BRD1: variants seen among roughly 807,000 people sequenced by gnomAD.
BRD1 encodes the protein bromodomain containing 1.
In BRD1, 24 loss-of-function variants were observed where a neutral mutation model predicts 107.7. That is an observed-to-expected ratio of 0.22 (90% CI 0.16 to 0.31). BRD1 has a LOEUF of 0.31. BRD1 is among the 10% of genes least tolerant of loss of function. BRD1 has a pLI of 1.00. For missense variants in BRD1, 1,279 were observed against 1,638.6 expected (o/e 0.78, Z 3.79); for synonymous variants, 744 against 686.1 (o/e 1.08, Z -1.32).
Position 49,774,111 on chromosome 22 carries a change from C to T in BRD1, c.*122G>A, listed in dbSNP as rs1481178113. 2 of 1,327,902 alleles carry T rather than the reference C, an allele frequency of 1.5e-6. No homozygotes were observed. Among genetic ancestry groups the T allele is most frequent in the African/African-American group, 1.5e-5 (1 of 66,844 alleles). 82.3% of individuals were successfully genotyped at this position (1,327,902 alleles called of 1,614,324 possible). A position where few individuals can be genotyped will look rare whatever the true frequency, so the allele number is the denominator to read the frequency against. On this transcript the variant is annotated 3_prime_UTR_variant, in exon 13 of 13. Coordinates refer to ENST00000404760, the MANE Select transcript of BRD1 (RefSeq NM_001304808.3). The stretch of plus-strand genomic sequence containing the variant: ...AACTTGGAAATAAAACCTCCCCCCT[C>T]CCCGGGGAAAAAGAATTAAAGAGCT...
At chr22:49,777,228 C>T (rs1251179921) in intron 9 of BRD1, 67 bp from the exon 10 acceptor site, 12 of 1,590,998 alleles carry the variant, frequency 7.5e-6, no homozygotes, top group Non-Finnish European at 1.0e-5. Flanking sequence ...CGGGCTTCGT[C>T]CCGTGAGCTG....
chr22:49,795,076 G>C (rs962660961), intron 6 of BRD1, among the ~76,000 whole-genome samples: 1 of 152,030 alleles, frequency 6.6e-6, no homozygotes, highest in Admixed American at 6.6e-5. Flanking sequence ...TTTACTGAAA[G>C]CATCTGTCTC....
Position 49,777,764 on chromosome 22 carries a change from G to A in BRD1, c.2907C>T (p.Gly969=), listed in dbSNP as rs1255748812. 2.1e-5 allele frequency: 34 copies of A among 1,604,892 alleles called. No homozygotes were observed. Among genetic ancestry groups the A allele is most frequent in the Non-Finnish European group, 2.6e-5 (31 of 1,177,606 alleles). The change falls in exon 9 of 13, where the codon GGC becomes GGT. Residue 969 remains glycine (G), a synonymous_variant. Coordinates refer to ENST00000404760, the MANE Select transcript of BRD1 (RefSeq NM_001304808.3). The part of the protein sequence containing the change: ...GGARSEQEPG[G]GLGRKATPRR... ...GGGGTGTGGCCTTCCTCCCCAGGCC[G>A]CCGCCCGGCTCCTGCTCGCTCCTCG...
At position 49,798,691 on chromosome 22, in the gene BRD1, G is replaced by A. The variant is rs1221748807; in HGVS notation, c.1657-5C>T. The A allele has an allele frequency of 1.3e-6, 2 of 1,596,032 alleles. No homozygotes were observed. The highest frequency in any genetic ancestry group is 1.3e-5 in the African/African-American group (1 of 74,582). On this transcript the variant is annotated splice_polypyrimidine_tract_variant and splice_region_variant and intron_variant, in intron 4 of 12. Coordinates refer to ENST00000404760, the MANE Select transcript of BRD1 (RefSeq NM_001304808.3). ...GGCGACCTGCTCCACCTTCACCTGG[G>A]GGGGCCCAGCAGAGCCTCAGCTTTA...
chr22:49,794,284 C>T lies in BRD1; in HGVS notation c.2109G>A (p.Leu703=), dbSNP rs371713541. The T allele has an allele frequency of 3.6e-5, 58 of 1,609,870 alleles. No individual in the cohort carries two copies. The highest frequency in any genetic ancestry group is 4.9e-5 in the Non-Finnish European group (58 of 1,177,504). The change falls in exon 7 of 13, where the codon TTG becomes TTA. Residue 703 remains leucine, a synonymous_variant. Transcript: ENST00000404760. ...GGTGGGCTCTGTTGGCGGGGTCCAG[C>T]AACCTGTCCACTGAACCAAAGGACA... is the stretch of plus-strand genomic sequence containing the variant. ...RPFSWEDVDR[L]LDPANRAHLG... is the part of the protein sequence containing the mutation.
intron 6 of BRD1, among the ~76,000 whole-genome samples, chr22:49,795,333 C>T (rs1463477719): frequency 6.6e-6 from 1 of 152,238 alleles, no homozygotes; most frequent in Non-Finnish European, 1.5e-5. Flanking sequence ...AGAAGAGCAG[C>T]AGGTGCACCC....
At chr22:49,782,039 G>T (rs1321937378) in intron 8 of BRD1, among the ~76,000 whole-genome samples, 1 of 146,392 alleles carries the variant, frequency 6.8e-6, no homozygotes, top group Non-Finnish European at 1.5e-5. Context: ...AGCCGGGGAC[G>T]GTCAGAGACA....
In BRD1 at chr22:49,792,914, C is replaced by T. The variant is rs1053307317; in HGVS notation, c.2359+1120G>A. Among the ~76,000 whole-genome samples, 2 of 152,138 alleles carry T rather than the reference C, an allele frequency of 1.3e-5. No homozygotes were observed. The highest frequency in any genetic ancestry group is 1.5e-5 in the Non-Finnish European group (1 of 68,024). On this transcript the variant is annotated intron_variant, in intron 7 of 12. Transcript: ENST00000404760. The surrounding 1 kb of genome is among the most constrained non-coding windows in gnomAD (Gnocchi z 4.2). ...AAAGGGCCCTGAGACCATGGGGACC[C>T]GCTGACCTGTGTGGCATCATGAAGA...
rs774493554 is a variant in BRD1, at chr22:49,787,443, G to A, written c.2804C>T (p.Thr935Ile). 6 of 1,614,162 alleles carry A rather than the reference G, an allele frequency of 3.7e-6. No homozygotes were observed. The highest frequency in any genetic ancestry group is 1.3e-5 in the African/African-American group (1 of 75,062). Reference sequence around the variant, plus strand: ...CTCCTCCACCTCGGAGTCTCCGCATGTGCTCCGCGACCTTTTCCTTGGCTG... The same window carrying A: ...CTCCTCCACCTCGGAGTCTCCGCATATGCTCCGCGACCTTTTCCTTGGCTG... ...LLQPRKRSRSTCGDSEVEEES... is the reference protein window; with the variant it reads ...LLQPRKRSRSICGDSEVEEES... The change falls in exon 8 of 13, where the codon ACA becomes ATA. Residue 935 changes from threonine to isoleucine, a missense_variant. Physicochemically the swap from Thr to Ile is moderately conservative, Grantham distance 89. This residue lies in a region of BRD1 where 263 missense variants were observed against 251.6 expected (regional missense o/e 1.05). Transcript: ENST00000404760.
rs370621351 is a variant in BRD1, at chr22:49,777,059, G to A, written c.3096C>T (p.Tyr1032=). 5.3e-5 allele frequency: 85 copies of A among 1,613,130 alleles called. No homozygotes were observed. The highest frequency in any genetic ancestry group is 4.9e-4 in the Middle Eastern group (3 of 6,084). ...ELISCIENGN[Y]AKAARIAAEV... ...CGGCTGCGATCCTGGCCGCCTTGGCGTAGTTCCCATTCTCGATGCAGGAGA... is the reference window on the plus strand; with the variant it reads ...CGGCTGCGATCCTGGCCGCCTTGGCATAGTTCCCATTCTCGATGCAGGAGA... The change falls in exon 10 of 13, where the codon TAC becomes TAT. Residue 1032 remains tyrosine, a synonymous_variant. Coordinates refer to ENST00000404760, the MANE Select transcript of BRD1 (RefSeq NM_001304808.3).
intron 2 of BRD1, among the ~76,000 whole-genome samples, chr22:49,808,725 G>C (rs890547937): frequency 1.3e-5 from 2 of 152,176 alleles, no homozygotes; most frequent in African/African-American, 4.8e-5. Context: ...GAAAAAACTT[G>C]AATACAGAGA....
chr22:49,816,679 G>A (rs1041423417), intron 2 of BRD1, among the ~76,000 whole-genome samples: 4 of 152,194 alleles, frequency 2.6e-5, no homozygotes, highest in Admixed American at 6.5e-5. Context: ...CAGGAGGATT[G>A]CTTAAGCCCA....
chr22:49,809,875 T>C (rs1484831557), intron 2 of BRD1, among the ~76,000 whole-genome samples: 1 of 152,050 alleles, frequency 6.6e-6, no homozygotes, highest in African/African-American at 2.4e-5. Flanking sequence ...CACGCAAAAA[T>C]AAATTAAGGA....
intron 2 of BRD1, among the ~76,000 whole-genome samples, chr22:49,813,682 A>C (rs577346701): frequency 6.6e-6 from 1 of 151,992 alleles, no homozygotes; most frequent in South Asian, 2.1e-4. Context: ...AAATACAAAA[A>C]TTAGCCAGGT....
At position 49,803,953 on chromosome 22, in the gene BRD1, G is replaced by A. The variant is rs958973500; in HGVS notation, c.1524+251C>T. 6.6e-5 allele frequency among the ~76,000 whole-genome samples: 10 copies of A among 152,234 alleles called. No individual in the cohort carries two copies. The highest frequency in any genetic ancestry group is 9.6e-5 in the African/African-American group (4 of 41,458). ...AGCGTGTGTGCGGGCAGGGCAGGGCGGGGGAGCGCAACTCAAAACGGAAGA... is the reference window on the plus strand; with the variant it reads ...AGCGTGTGTGCGGGCAGGGCAGGGCAGGGGAGCGCAACTCAAAACGGAAGA... On this transcript the variant is annotated intron_variant, in intron 3 of 12. Transcript: ENST00000404760. The surrounding 1 kb of genome is among the most constrained non-coding windows in gnomAD (Gnocchi z 4.4).
chr22:49,794,363 C>T (rs2059491819), intron 6 of BRD1, 69 bp from the exon 7 acceptor site: 4 of 1,532,958 alleles, frequency 2.6e-6, no homozygotes, highest in Admixed American at 1.9e-5. Context: ...TCACCGGTCC[C>T]GTCTTTCAAA....
rs991222123 is a variant in BRD1 at position 49,822,854 on chromosome 22, A to C, written c.1367+97T>G. 3.5e-6 allele frequency: 5 copies of C among 1,422,698 alleles called. No individual in the cohort carries two copies. The African/African-American group carries it at 7.2e-5, about 20-fold the overall frequency. 88.1% of individuals were successfully genotyped at this position (1,422,698 alleles called of 1,614,324 possible). ...AGGAAGCTGCGCCAACTAGAAACGC[A>C]ATGACCACACAGCACGGGCCCTGCA... On this transcript the variant is annotated intron_variant, in intron 2 of 12. Coordinates refer to ENST00000404760, the MANE Select transcript of BRD1 (RefSeq NM_001304808.3).
At chr22:49,784,896 G>A (rs528679335) in intron 8 of BRD1, among the ~76,000 whole-genome samples, 4 of 152,320 alleles carry the variant, frequency 2.6e-5, no homozygotes, top group Admixed American at 6.5e-5. Context: ...TGAGGCTCCC[G>A]GCTGCTCAGG....
intron 8 of BRD1, 66 bp downstream of exon 8, chr22:49,787,324 G>A: frequency 3.9e-6 from 4 of 1,014,456 alleles, no homozygotes; most frequent in Non-Finnish European, 4.0e-6. Context: ...TCACACCAAT[G>A]ATCCTGAAGG....
Sources: gnomAD v4.1 joint callset for allele counts (sites outside exome capture counted in the v4.1 genomes callset) on GRCh38, gnomAD v4.1.1 for gene constraint, gnomAD v4.1.1 regional missense constraint, Gnocchi (gnomAD v3.1) non-coding constraint, MANE v1.5 for transcripts, NCBI Gene and HGNC (gene_info 2026-07-23, HGNC 2026-07-21) for gene names.